The following ABHD4 variants were observed in gnomAD, a reference collection of about 807,000 sequenced individuals.
ABHD4 encodes abhydrolase domain containing 4, N-acyl phospholipase B.
Under a neutral mutation model 42.3 loss-of-function variants are expected in ABHD4, and 35 were observed. That is an observed-to-expected ratio of 0.83 (90% confidence interval 0.63 to 1.10). The LOEUF (loss-of-function observed/expected upper bound fraction) is 1.10. Among genes scored for constraint, ABHD4 ranks in the 50% least tolerant of loss-of-function variants. The pLI, the probability that ABHD4 is intolerant of heterozygous loss-of-function variation, is 0.00. For synonymous variants in ABHD4, 169 were observed against 170.6 expected (o/e 0.99, Z 0.07); for missense variants, 389 against 454.8 (o/e 0.86, Z 1.32).
At chr14:22,609,420 A>G (rs893265086) in intron 5 of ABHD4, among the ~76,000 whole-genome samples, 5 of 152,188 alleles carry the variant, frequency 3.3e-5, no homozygotes, top group Admixed American at 6.5e-5. Context: ...TCTTGTTCAT[A>G]TGTCCCCTTT....
At chr14:22,600,187 A>G (rs978145205) in intron 1 of ABHD4, 2 of 455,904 alleles carry the variant, frequency 4.4e-6, no homozygotes, top group East Asian at 6.9e-5. Flanking sequence ...CCACAGTCAC[A>G]TTGCTGGTAA....
chr14:22,601,323 C>G (rs548873715), intron 1 of ABHD4, among the ~76,000 whole-genome samples: 17 of 152,190 alleles, frequency 1.1e-4, no homozygotes, highest in African/African-American at 4.1e-4. Flanking sequence ...TTAAAAGATG[C>G]CTCTCCCTTT....
At position 22,612,695 on chromosome 14, in the gene ABHD4, C is replaced by T. The variant is rs1435916412; in HGVS notation, c.*1747C>T. ...AGGGAAGCCCACACATGTACTGCTC[C>T]CTGCATCCTGCTCTAACTTCCTCTC... On this transcript the variant is annotated 3_prime_UTR_variant, in exon 7 of 7. Transcript: ENST00000428304. 1 of 152,298 alleles carries T rather than the reference C, an allele frequency of 6.6e-6. No individual in the cohort carries two copies. The highest frequency in any genetic ancestry group is 1.5e-5 in the Non-Finnish European group (1 of 68,088). The allele number at this position is 152,298 out of a possible 1,614,324, so 9.4% of individuals were successfully genotyped here.
chr14:22,601,568 C>G, intron 1 of ABHD4, 99 bp from the exon 2 acceptor site: 1 of 1,146,726 alleles, frequency 8.7e-7, no homozygotes, highest in Non-Finnish European at 1.3e-6. Context: ...TAGGAAACAC[C>G]CTGCTTCCTG....
At chr14:22,607,500 T>C (rs1438539845) in intron 5 of ABHD4, among the ~76,000 whole-genome samples, 2 of 152,188 alleles carry the variant, frequency 1.3e-5, no homozygotes, top group African/African-American at 4.8e-5. Context: ...TGTCTGAACA[T>C]TAACCTCAAA....
intron 2 of ABHD4, among the ~76,000 whole-genome samples, 175 bp from the exon 3 acceptor site, chr14:22,603,215 A>G (rs2037306347): frequency 6.6e-6 from 1 of 152,194 alleles, no homozygotes; most frequent in South Asian, 2.1e-4. Flanking sequence ...GCTTGCCTAA[A>G]GTTTGGTTAA....
intron 5 of ABHD4, among the ~76,000 whole-genome samples, chr14:22,608,656 G>T (rs115623151): frequency 6.6e-6 from 1 of 152,104 alleles, no homozygotes; most frequent in East Asian, 1.9e-4. Flanking sequence ...CATAGCACTC[G>T]ACCACCTTTT....
At chr14:22,605,691 G>A in intron 4 of ABHD4, 2 of 546,040 alleles carry the variant, frequency 3.7e-6, no homozygotes, top group South Asian at 3.1e-5. Context: ...CAGCAGCCAT[G>A]AGGGACTATG....
chr14:22,598,445 C>G, intron 1 of ABHD4, 116 bp downstream of exon 1: 2 of 1,545,574 alleles, frequency 1.3e-6, no homozygotes, highest in Non-Finnish European at 1.7e-6. Flanking sequence ...TTTTCCAGGT[C>G]GGCCTCCGGG....
At chr14:22,610,779 A>T in intron 6 of ABHD4, 80 bp from the exon 7 acceptor site, 1 of 1,140,832 alleles carries the variant, frequency 8.8e-7, no homozygotes, top group Non-Finnish European at 1.3e-6. Context: ...AGCAAGTCTA[A>T]GGGGAAAAGA....
At chr14:22,598,522 G>A in intron 1 of ABHD4, 193 bp downstream of exon 1, 1 of 1,500,698 alleles carries the variant, frequency 6.7e-7, no homozygotes, top group Non-Finnish European at 9.0e-7. Flanking sequence ...TGAGCCTGGG[G>A]AGCCATGGGA....
intron 3 of ABHD4, 34 bp from the exon 4 acceptor site, chr14:22,603,891 A>C: frequency 1.2e-6 from 2 of 1,610,676 alleles, no homozygotes; most frequent in Non-Finnish European, 1.7e-6. Flanking sequence ...CAGAGAATAT[A>C]ATGTGTCTTC....
chr14:22,611,013 C>T lies in ABHD4; in HGVS notation c.*65C>T, dbSNP rs1285872751. ...ACTCTTACCTCCCTGTCTGCTTACTCACCCACTCTGTCCTTTCCTCACCAA... is the reference window on the plus strand; with the variant it reads ...ACTCTTACCTCCCTGTCTGCTTACTTACCCACTCTGTCCTTTCCTCACCAA... On this transcript the variant is annotated 3_prime_UTR_variant, in exon 7 of 7. Coordinates refer to ENST00000428304, the MANE Select transcript of ABHD4 (RefSeq NM_022060.3). 1 of 1,428,548 alleles carries T rather than the reference C, an allele frequency of 7.0e-7. No individual in the cohort carries two copies. Among genetic ancestry groups the T allele is most frequent in the Non-Finnish European group, 9.8e-7 (1 of 1,018,202 alleles). The allele number at this position is 1,428,548 out of a possible 1,614,324, so 88.5% of individuals were successfully genotyped here. A position where few individuals can be genotyped will look rare whatever the true frequency, so the allele number is the denominator to read the frequency against.
At chr14:22,607,194 C>T (rs1022741963) in intron 5 of ABHD4, among the ~76,000 whole-genome samples, 2 of 152,132 alleles carry the variant, frequency 1.3e-5, no homozygotes, top group Admixed American at 6.5e-5. Flanking sequence ...GGGGGTGTCT[C>T]GAGAACTTTG....
At chr14:22,602,223 T>G (rs1185552390) in intron 2 of ABHD4, among the ~76,000 whole-genome samples, 1 of 152,172 alleles carries the variant, frequency 6.6e-6, no homozygotes, top group Non-Finnish European at 1.5e-5. Flanking sequence ...GTTACCACAG[T>G]AGTTTGTGGT....
In ABHD4 at chr14:22,603,672, G is replaced by C. The variant is rs745408813; in HGVS notation, c.395G>C (p.Arg132Pro). 3.5e-5 allele frequency: 57 copies of C among 1,613,320 alleles called. No individual in the cohort carries two copies. Among genetic ancestry groups the C allele is most frequent in the Non-Finnish European group, 4.8e-5 (57 of 1,179,512 alleles). ...DEFVTSIETW[R>P]ETMGIPSMIL... is the part of the protein sequence containing the mutation. ...TTTGTGACATCGATAGAGACATGGC[G>C]GGAGACCATGGGGATCCCCAGCATG... The change falls in exon 3 of 7, where the codon CGG (arginine) becomes CCG (proline). Residue 132 changes from arginine to proline, a missense_variant. By Grantham distance (103) the Arg-to-Pro change is moderately radical (BLOSUM62 -2). This residue lies in a region of ABHD4 where 38 missense variants were observed against 72.1 expected (regional missense o/e 0.53). Transcript: ENST00000428304.
Position 22,610,943 on chromosome 14 carries a change from G to A in ABHD4, c.1024G>A (p.Asp342Asn). ...AVVEEICDSV[D>N] ...GGTGGAGGAGATCTGCGACTCAGTT[G>A]ATTGAGCTGCTCTCTGAAGAGGAAG... Residue 342 changes from aspartate to asparagine, a missense_variant, in exon 7 of 7, where the codon GAT (aspartate) becomes AAT (asparagine). Physicochemically the swap from Asp to Asn is conservative, Grantham distance 23. Around this residue, in one of 3 missense-constraint regions of ABHD4, gnomAD observed 249 missense variants for 254.4 expected, o/e 0.98. Transcript: ENST00000428304. The A allele has an allele frequency of 6.2e-7, 1 of 1,613,876 alleles. No individual in the cohort carries two copies. The highest frequency in any genetic ancestry group is 8.5e-7 in the Non-Finnish European group (1 of 1,179,868).
intron 1 of ABHD4, among the ~76,000 whole-genome samples, chr14:22,601,301 C>T (rs1443310152): frequency 2.0e-5 from 3 of 152,172 alleles, no homozygotes; most frequent in Admixed American, 1.3e-4. Context: ...CAAAGGATAA[C>T]TGAAACATTA....
At position 22,606,519 on chromosome 14, in the gene ABHD4, C is replaced by A; in HGVS notation, c.738C>A (p.Asn246Lys). ...TATCAGAGTATATTTACCACTGCAA[C>A]GCACAGAATCCCAGGTGAGGGCCGC... is the stretch of plus-strand genomic sequence containing the variant. ...DTISEYIYHC[N>K]AQNPSGETAF... The change falls in exon 5 of 7, where the codon AAC becomes AAA. Residue 246 changes from asparagine (N) to lysine (K), a missense_variant. Physicochemically the swap from Asn to Lys is moderately conservative, Grantham distance 94. Transcript: ENST00000428304. The A allele has an allele frequency of 6.2e-7, 1 of 1,612,110 alleles. No homozygotes were observed. Among genetic ancestry groups the A allele is most frequent in the Non-Finnish European group, 8.5e-7 (1 of 1,178,958 alleles).
Sources: gnomAD v4.1 joint callset for allele counts (sites outside exome capture counted in the v4.1 genomes callset) on GRCh38, gnomAD v4.1.1 for gene constraint, gnomAD v4.1.1 regional missense constraint, MANE v1.5 for transcripts, NCBI Gene and HGNC (gene_info 2026-07-23, HGNC 2026-07-21) for gene names.